Variants in CNN1 observed in about 807,000 individuals in gnomAD.
CNN1 encodes the protein calponin 1.
A neutral mutation model predicts 35.3 loss-of-function variants in CNN1; 21 were observed. That is an observed-to-expected ratio of 0.60 (90% confidence interval 0.42 to 0.86). CNN1 has a LOEUF of 0.86. Ranked by LOEUF, CNN1 falls within the 40% of genes least tolerant of loss-of-function variation. CNN1 has a pLI of 0.00. For missense variants in CNN1, 314 were observed against 400.8 expected (o/e 0.78, Z 1.85); for synonymous variants, 164 against 161.8 (o/e 1.01, Z -0.10).
intron 1 of CNN1, chr19:11,539,468 C>T: frequency 9.1e-7 from 1 of 1,097,598 alleles, no homozygotes; most frequent in African/African-American, 1.7e-5. Context: ...GGTCTCCTGA[C>T]TGTGGAGCTA....
chr19:11,550,117 C>A lies in CNN1; in HGVS notation c.*322C>A. 3.6e-6 allele frequency: 1 copy of A among 277,046 alleles called. No homozygotes were observed. The highest frequency in any genetic ancestry group is 6.8e-6 in the Non-Finnish European group (1 of 147,570). 17.2% of individuals were successfully genotyped at this position (277,046 alleles called of 1,614,324 possible). On this transcript the variant is annotated 3_prime_UTR_variant, in exon 7 of 7. Transcript: ENST00000252456. Reference sequence around the variant, plus strand: ...GGTACCCCCAGGACCAGAAGCTCCCCCAGCAAAGCCCCCAGAGCCCAGGCT... The same window carrying A: ...GGTACCCCCAGGACCAGAAGCTCCCACAGCAAAGCCCCCAGAGCCCAGGCT...
rs549624815 is a variant in CNN1, at chr19:11,549,111, G to T, written c.502-212G>T. 5.5e-3 allele frequency among the ~76,000 whole-genome samples: 833 copies of T among 151,576 alleles called. 6 individuals are homozygous for T. The highest frequency in any genetic ancestry group is 8.5e-3 in the Non-Finnish European group (574 of 67,916). ...GCTGAGGCAGGAGAATTGCTTGAAT[G>T]TGCAAGATGGAGATTTCAGTGAGCT... On this transcript the variant is annotated intron_variant, in intron 5 of 6. Coordinates refer to ENST00000252456, the MANE Select transcript of CNN1 (RefSeq NM_001299.6). This position sits in a 1 kb window ranked among gnomAD's most constrained non-coding sequence, Gnocchi z 5.2.
At chr19:11,543,463 TATAATAATA>T (rs372575864) in intron 2 of CNN1, among the ~76,000 whole-genome samples, 5 of 147,666 alleles carry the variant, frequency 3.4e-5, no homozygotes, top group Admixed American at 6.8e-5. Context: ...GAACTTAAAG[TATAATAATA>T]ATAATAATAA....
intron 1 of CNN1, among the ~76,000 whole-genome samples, 166 bp from the exon 2 acceptor site, chr19:11,540,910 C>A (rs1320339461): frequency 6.6e-6 from 1 of 152,196 alleles, no homozygotes; most frequent in African/African-American, 2.4e-5. Flanking sequence ...TCTCAGCCCG[C>A]CCCAGCCCCC....
chr19:11,547,321 C>T (rs1462823588), intron 4 of CNN1, among the ~76,000 whole-genome samples: 4 of 151,138 alleles, frequency 2.6e-5, no homozygotes, highest in South Asian at 2.1e-4. Flanking sequence ...CGCTTGAACC[C>T]GGGAGGCGGA....
chr19:11,547,124 C>T (rs1216612986), intron 4 of CNN1, among the ~76,000 whole-genome samples, 155 bp downstream of exon 4: 1 of 152,022 alleles, frequency 6.6e-6, no homozygotes, highest in Non-Finnish European at 1.5e-5. Context: ...GGGCCGGGCG[C>T]GGTCGCTCAC....
intron 1 of CNN1, chr19:11,540,473 GAGAC>G (rs1341767424): frequency 6.5e-6 from 1 of 152,814 alleles, no homozygotes; most frequent in Admixed American, 6.5e-5. Context: ...GGGGAAGAGA[GAGAC>G]AGAGGAGTCG....
At chr19:11,543,769 C>A (rs992667482) in intron 2 of CNN1, among the ~76,000 whole-genome samples, 1 of 124,472 alleles carries the variant, frequency 8.0e-6, no homozygotes, top group East Asian at 2.3e-4. Context: ...GGTGACAGAG[C>A]GAGACTCCGT....
Position 11,539,268 on chromosome 19 carries a change from T to C in CNN1, c.63+278T>C, listed in dbSNP as rs916200596. 7 of 1,207,304 alleles carry C rather than the reference T, an allele frequency of 5.8e-6. No individual in the cohort carries two copies. In the African/African-American group the frequency reaches 1.1e-4, roughly 19 times the overall value. The allele number at this position is 1,207,304 out of a possible 1,614,324, so 74.8% of individuals were successfully genotyped here. ...CACCTGATCAGTCTTCTGTTAACCCTTCGTGTTCTTGGGGGGAACAACATA... is the reference window on the plus strand; with the variant it reads ...CACCTGATCAGTCTTCTGTTAACCCCTCGTGTTCTTGGGGGGAACAACATA... On this transcript the variant is annotated intron_variant, in intron 1 of 6. Coordinates refer to ENST00000252456, the MANE Select transcript of CNN1 (RefSeq NM_001299.6).
rs746413548 is a variant in CNN1, at chr19:11,547,006, C to T, written c.390+37C>T. 5 of 1,609,994 alleles carry T rather than the reference C, an allele frequency of 3.1e-6. No individual in the cohort carries two copies. The South Asian group carries it at 4.4e-5, about 14-fold the overall frequency. Reference sequence around the variant, plus strand: ...TGCAGGCTGGGCAGGGGGTGGTGGGCAGCCTGGGCTGGGATGCAGGTGTGG... The same window carrying T: ...TGCAGGCTGGGCAGGGGGTGGTGGGTAGCCTGGGCTGGGATGCAGGTGTGG... On this transcript the variant is annotated intron_variant, in intron 4 of 6. Coordinates refer to ENST00000252456, the MANE Select transcript of CNN1 (RefSeq NM_001299.6).
chr19:11,543,782 C>CAAAAAAAA (rs1158001002), intron 2 of CNN1, among the ~76,000 whole-genome samples: 1 of 51,004 alleles, frequency 2.0e-5, no homozygotes. Flanking sequence ...GACTCCGTCT[C>CAAAAAAAA]AAAAAAAAAA....
rs773808410 is a variant in CNN1, at chr19:11,549,677, C to G, written c.776C>G (p.Thr259Arg). The change falls in exon 7 of 7, where the codon ACG becomes AGG. Residue 259 changes from threonine (T) to arginine (R), a missense_variant. By Grantham distance (71) the Thr-to-Arg change is moderately conservative. Transcript: ENST00000252456. This position sits in a 1 kb window ranked among gnomAD's most constrained non-coding sequence, Gnocchi z 5.2. Reference sequence around the variant, plus strand: ...AAGGGCGCCTCGCAGCGGGGCATGACGGTGTATGGGCTGCCACGCCAGGTC... The same window carrying G: ...AAGGGCGCCTCGCAGCGGGGCATGAGGGTGTATGGGCTGCCACGCCAGGTC... ...SNKGASQRGM[T>R]VYGLPRQVYD... The G allele has an allele frequency of 6.2e-7, 1 of 1,614,080 alleles. No individual in the cohort carries two copies. Among genetic ancestry groups the G allele is most frequent in the Non-Finnish European group, 8.5e-7 (1 of 1,180,032 alleles).
chr19:11,542,407 G>A (rs992984913), intron 2 of CNN1, among the ~76,000 whole-genome samples: 4 of 151,566 alleles, frequency 2.6e-5, no homozygotes, highest in Non-Finnish European at 5.9e-5. Flanking sequence ...TGGCCTGGCT[G>A]GTCTCGAACT....
At chr19:11,541,011 G>C (rs752987804) in intron 1 of CNN1, 65 bp from the exon 2 acceptor site, 11 of 1,496,234 alleles carry the variant, frequency 7.4e-6, no homozygotes, top group African/African-American at 1.4e-5. Context: ...GACCCAGGGA[G>C]CCCAGGCTGC....
intron 5 of CNN1, 94 bp downstream of exon 5, chr19:11,548,001 T>A: frequency 1.1e-6 from 1 of 920,318 alleles, no homozygotes; most frequent in Non-Finnish European, 1.6e-6. Context: ...TGGCATTAAC[T>A]ATACTATAGG....
chr19:11,539,999 G>C (rs1488678012), intron 1 of CNN1: 14 of 1,065,674 alleles, frequency 1.3e-5, no homozygotes, highest in Non-Finnish European at 1.5e-5. Context: ...TGGTGGCGTG[G>C]GGGGCGGCAG....
chr19:11,545,458 C>A (rs1345820935), intron 2 of CNN1, among the ~76,000 whole-genome samples: 1 of 132,274 alleles, frequency 7.6e-6, no homozygotes, highest in Non-Finnish European at 1.5e-5. Context: ...TCTGGCTGAG[C>A]ACCTAGAAGG....
chr19:11,549,720 T>C lies in CNN1; in HGVS notation c.819T>C (p.Cys273=). The C allele has an allele frequency of 6.2e-7, 1 of 1,614,198 alleles. No homozygotes were observed. The highest frequency in any genetic ancestry group is 1.1e-5 in the South Asian group (1 of 91,090). ...GCCAGGTCTACGACCCCAAGTACTG[T>C]CTGACTCCCGAGTACCCAGAGCTGG... ...LPRQVYDPKY[C]LTPEYPELGE... Residue 273 remains cysteine, a synonymous_variant, in exon 7 of 7, where the codon TGT becomes TGC. Transcript: ENST00000252456. The surrounding 1 kb of genome is among the most constrained non-coding windows in gnomAD (Gnocchi z 5.2).
intron 2 of CNN1, 38 bp from the exon 3 acceptor site, chr19:11,546,637 G>A (rs1456399590): frequency 1.4e-5 from 23 of 1,612,406 alleles, no homozygotes; most frequent in Non-Finnish European, 1.8e-5. Context: ...CCCAACCCTG[G>A]GGGGACACCT....
Sources: allele counts gnomAD v4.1 joint callset (sites outside exome capture counted in the v4.1 genomes callset), GRCh38; gene constraint gnomAD v4.1.1; non-coding constraint Gnocchi (gnomAD v3.1); transcripts MANE v1.5; gene names NCBI Gene and HGNC (gene_info 2026-07-23, HGNC 2026-07-21).